The following ARG2 variants were observed in gnomAD, a reference collection of about 807,000 sequenced individuals.
The protein encoded by ARG2 is arginase 2, also known as arginase-2, mitochondrial.
In ARG2, 21 loss-of-function variants were observed where a neutral mutation model predicts 39.4. That is an observed-to-expected ratio of 0.53 (90% CI 0.38 to 0.77). The LOEUF (loss-of-function observed/expected upper bound fraction) is 0.77. ARG2 is among the 30% of genes least tolerant of loss of function. The probability of loss-of-function intolerance (pLI) is 0.00; values close to 1 mark genes in which losing one functional copy is unlikely to be tolerated. For missense variants in ARG2, 378 were observed against 426.2 expected (o/e 0.89, Z 1.00); for synonymous variants, 150 against 156.7 (o/e 0.96, Z 0.32).
intron 2 of ARG2, among the ~76,000 whole-genome samples, chr14:67,639,924 C>CAAAAAAAAAAAAAAAAAAAAAAAAAA (rs5809358): frequency 1.6e-5 from 1 of 61,832 alleles, no homozygotes; most frequent in African/African-American, 6.9e-5. Flanking sequence ...GACCCTGTCT[C>CAAAAAAAAAAAAAAAAAAAAAAAAAA]AAAAAAAAAA....
rs2037040057 is a variant in ARG2, at chr14:67,642,214, G to A, written c.213G>A (p.Leu71=). Residue 71 remains leucine, a synonymous_variant, in exon 3 of 8, where the codon TTG becomes TTA. Transcript: ENST00000261783. ...LGCHLKDFGD[L]SFTPVPKDDL... is the part of the protein sequence containing the mutation. ...GCCACCTAAAAGACTTTGGAGATTT[G>A]AGTTTTACTCCAGTCCCCAAAGATG... is the stretch of plus-strand genomic sequence containing the variant. 1 of 1,613,898 alleles carries A rather than the reference G, an allele frequency of 6.2e-7. No individual in the cohort carries two copies. The highest frequency in any genetic ancestry group is 1.3e-5 in the African/African-American group (1 of 74,888).
intron 2 of ARG2, among the ~76,000 whole-genome samples, chr14:67,636,590 G>A (rs2036974139): frequency 6.6e-6 from 1 of 152,208 alleles, no homozygotes; most frequent in Admixed American, 6.5e-5. Context: ...AGGCTGTTTT[G>A]ATTTCTTCCT....
chr14:67,632,914 G>A (rs530006868), intron 2 of ARG2, among the ~76,000 whole-genome samples: 6 of 141,972 alleles, frequency 4.2e-5, no homozygotes, highest in Non-Finnish European at 6.0e-5. Flanking sequence ...TCCGCCTCCC[G>A]GGTTCACACC....
chr14:67,644,775 G>A (rs2037075007), intron 3 of ARG2, among the ~76,000 whole-genome samples: 1 of 152,088 alleles, frequency 6.6e-6, no homozygotes, highest in South Asian at 2.1e-4. Flanking sequence ...GAGCCAGGTG[G>A]ATCACTTGAG....
intron 2 of ARG2, among the ~76,000 whole-genome samples, chr14:67,623,943 C>G (rs1016381106): frequency 3.9e-5 from 6 of 152,108 alleles, no homozygotes; most frequent in African/African-American, 1.4e-4. Context: ...TGGACTCAAG[C>G]GATCCTCCCA....
In ARG2 at chr14:67,648,020, G is replaced by A. The variant is rs777301964; in HGVS notation, c.723-27G>A. The A allele has an allele frequency of 5.2e-5, 81 of 1,567,724 alleles. 1 individual carries two copies. In the Admixed American group the frequency reaches 1.0e-3, roughly 20 times the overall value. ...GACAACCAGTTAAGTATTATTTTAA[G>A]TATTATTTTATCCTCTTCCTTTTTA... On this transcript the variant is annotated intron_variant, in intron 6 of 7. Coordinates refer to ENST00000261783, the MANE Select transcript of ARG2 (RefSeq NM_001172.4).
At chr14:67,647,709 C>G (rs935009302) in intron 6 of ARG2, 1 of 197,480 alleles carries the variant, frequency 5.1e-6, no homozygotes. Context: ...TAGATGAGAG[C>G]CCAATCTCAT....
intron 7 of ARG2, 77 bp from the exon 8 acceptor site, chr14:67,650,638 C>G (rs1282168515): frequency 1.5e-6 from 2 of 1,371,348 alleles, no homozygotes; most frequent in Non-Finnish European, 1.0e-6. Flanking sequence ...GGCTTGTTCT[C>G]CCTGTCCCAG....
chr14:67,633,399 T>C (rs1033908894), intron 2 of ARG2, among the ~76,000 whole-genome samples: 1 of 152,210 alleles, frequency 6.6e-6, no homozygotes, highest in Non-Finnish European at 1.5e-5. Context: ...AGAGGTGACA[T>C]TTCAGCGATA....
chr14:67,641,525 G>A (rs1452585520), intron 2 of ARG2, among the ~76,000 whole-genome samples: 3 of 152,194 alleles, frequency 2.0e-5, no homozygotes, highest in Non-Finnish European at 4.4e-5. Context: ...ACTGTTTTGA[G>A]TCTTAAATAA....
intron 2 of ARG2, among the ~76,000 whole-genome samples, chr14:67,624,869 T>G (rs1278448905): frequency 6.6e-6 from 1 of 152,208 alleles, no homozygotes; most frequent in Non-Finnish European, 1.5e-5. Flanking sequence ...CATTAAGAAT[T>G]GTGGCATTTT....
chr14:67,647,867 A>AT lies in ARG2; in HGVS notation c.723-178dup, dbSNP rs994259497. The stretch of plus-strand genomic sequence containing the variant: ...ATGAAGTGGTATGTAGGAAGTTAAT[A>AT]TTGCCAATCTCAGTAACTTCCAAGA... On this transcript the variant is annotated intron_variant, in intron 6 of 7. Coordinates refer to ENST00000261783, the MANE Select transcript of ARG2 (RefSeq NM_001172.4). 12 of 634,912 alleles carry AT rather than the reference A, an allele frequency of 1.9e-5. 1 individual carries two copies. The highest frequency in any genetic ancestry group is 1.8e-4 in the African/African-American group (10 of 54,554). The allele number at this position is 634,912 out of a possible 1,614,324, so 39.3% of individuals were successfully genotyped here. A position where few individuals can be genotyped will look rare whatever the true frequency, so the allele number is the denominator to read the frequency against.
chr14:67,623,529 G>A (rs1409528031), intron 2 of ARG2, among the ~76,000 whole-genome samples: 2 of 137,270 alleles, frequency 1.5e-5, no homozygotes, highest in African/African-American at 5.5e-5. Flanking sequence ...GTACTCTCAG[G>A]TAACCTTTTT....
At chr14:67,628,214 T>G (rs1162836373) in intron 2 of ARG2, among the ~76,000 whole-genome samples, 3 of 152,188 alleles carry the variant, frequency 2.0e-5, no homozygotes, top group Admixed American at 6.5e-5. Flanking sequence ...TCCTTTATAT[T>G]GCAGATTCTT....
intron 2 of ARG2, among the ~76,000 whole-genome samples, chr14:67,625,680 C>CAAAAAAAAAAAA (rs1176476000): frequency 3.1e-5 from 1 of 32,128 alleles, no homozygotes; most frequent in Non-Finnish European, 6.6e-5. Flanking sequence ...AACTCCATCT[C>CAAAAAAAAAAAA]AAAAAAAAAA....
chr14:67,639,284 T>G (rs2037005330), intron 2 of ARG2, among the ~76,000 whole-genome samples: 1 of 152,212 alleles, frequency 6.6e-6, no homozygotes, highest in Admixed American at 6.5e-5. Context: ...CCCAAAGTTC[T>G]GTGACTTATC....
intron 2 of ARG2, among the ~76,000 whole-genome samples, chr14:67,634,879 G>A (rs970877619): frequency 3.3e-5 from 5 of 152,224 alleles, no homozygotes; most frequent in East Asian, 1.9e-4. Context: ...GGAAGGAGAT[G>A]TTACAAGGGC....
intron 2 of ARG2, among the ~76,000 whole-genome samples, chr14:67,621,540 C>T (rs981787466): frequency 1.3e-5 from 2 of 151,744 alleles, no homozygotes; most frequent in Non-Finnish European, 1.5e-5. Context: ...ATTGCAACCT[C>T]CACCTTCTGG....
intron 2 of ARG2, among the ~76,000 whole-genome samples, chr14:67,622,850 T>C (rs561190077): frequency 6.6e-6 from 1 of 152,340 alleles, no homozygotes; most frequent in Non-Finnish European, 1.5e-5. Flanking sequence ...AGGAGACCTC[T>C]ATAACAATCA....
Sources: gnomAD v4.1 joint callset for allele counts (sites outside exome capture counted in the v4.1 genomes callset) on GRCh38, gnomAD v4.1.1 for gene constraint, MANE v1.5 for transcripts, NCBI Gene and HGNC (gene_info 2026-07-23, HGNC 2026-07-21) for gene names.